Variants in HCK observed in about 807,000 individuals in gnomAD.
HCK encodes the protein HCK proto-oncogene, Src family tyrosine kinase.
A neutral mutation model predicts 70.4 loss-of-function variants in HCK; 40 were observed. The ratio of observed to expected loss-of-function variants is 0.57; its 90% CI spans 0.44 to 0.74. HCK has a LOEUF of 0.74. Among genes scored for constraint, HCK ranks in the 30% least tolerant of loss-of-function variants. The pLI is 0.00. For missense variants in HCK, 568 were observed against 697.2 expected (o/e 0.81, Z 2.09); for synonymous variants, 245 against 263.2 (o/e 0.93, Z 0.67).
chr20:32,101,048 A>G (rs2046026205), intron 12 of HCK, among the ~76,000 whole-genome samples: 2 of 152,314 alleles, frequency 1.3e-5, no homozygotes, highest in African/African-American at 4.8e-5. Flanking sequence ...TGCGTTCTCC[A>G]AAGACTCTCC....
At chr20:32,062,933 A>C (rs534936010) in intron 1 of HCK, among the ~76,000 whole-genome samples, 12 of 152,128 alleles carry the variant, frequency 7.9e-5, no homozygotes, top group Non-Finnish European at 1.5e-4. Flanking sequence ...AGTTCCTGTA[A>C]CTGAACAGCC....
At chr20:32,094,775 A>AAG (rs1442475155) in intron 11 of HCK, among the ~76,000 whole-genome samples, 85 of 117,226 alleles carry the variant, frequency 7.3e-4, no homozygotes, top group African/African-American at 2.8e-3. Flanking sequence ...GAAAGAAAGA[A>AAG]AGAGAGAGAA....
At chr20:32,099,350 C>CTTTTTTTTTTT (rs71336559) in intron 12 of HCK, among the ~76,000 whole-genome samples, 7 of 85,134 alleles carry the variant, frequency 8.2e-5, no homozygotes, top group African/African-American at 3.9e-4. Context: ...ACTCCTATGA[C>CTTTTTTTTTTT]TTTTTTTTTT....
At chr20:32,053,502 G>A (rs1466704658) in intron 1 of HCK, among the ~76,000 whole-genome samples, 2 of 151,878 alleles carry the variant, frequency 1.3e-5, no homozygotes, top group Non-Finnish European at 2.9e-5. Flanking sequence ...GCCGGGCGTA[G>A]TAGCACACAC....
rs938403820 is a variant in HCK at position 32,101,586 on chromosome 20, C to T, written c.*67C>T. The T allele has an allele frequency of 1.3e-5, 17 of 1,344,122 alleles. No individual in the cohort carries two copies. Among genetic ancestry groups the T allele is most frequent in the Admixed American group, 2.1e-5 (1 of 48,170 alleles). The allele number at this position is 1,344,122 out of a possible 1,614,324, so 83.3% of individuals were successfully genotyped here. ...GCTGCAAGGTGGCTCCAGCACCATC[C>T]GCCAGGGCCCACACCCCCTTCCTAC... On this transcript the variant is annotated 3_prime_UTR_variant, in exon 13 of 13. Coordinates refer to ENST00000375852, the MANE Select transcript of HCK (RefSeq NM_002110.5).
At chr20:32,094,765 G>A (rs1166630068) in intron 11 of HCK, among the ~76,000 whole-genome samples, 3 of 115,440 alleles carry the variant, frequency 2.6e-5, no homozygotes, top group African/African-American at 9.9e-5. Flanking sequence ...AAGAAAGAAG[G>A]AAAGAAAGAA....
intron 8 of HCK, among the ~76,000 whole-genome samples, chr20:32,085,119 G>A (rs936387470): frequency 1.3e-5 from 2 of 152,190 alleles, no homozygotes; most frequent in African/African-American, 4.8e-5. Flanking sequence ...AAATGGGAGC[G>A]TTCCAAATGG....
chr20:32,062,110 T>C (rs943866106), intron 1 of HCK, among the ~76,000 whole-genome samples: 2 of 152,008 alleles, frequency 1.3e-5, no homozygotes, highest in African/African-American at 4.8e-5. Flanking sequence ...CGCCTAATTT[T>C]TGTATTTTTA....
intron 10 of HCK, among the ~76,000 whole-genome samples, chr20:32,091,982 GA>G (rs113743904): frequency 6.6e-4 from 91 of 137,086 alleles, no homozygotes; most frequent in Admixed American, 1.9e-3. Context: ...TGTCTCAAAA[GA>G]AAAAAAAAAA....
chr20:32,092,018 G>GCC (rs2045870667), intron 10 of HCK, among the ~76,000 whole-genome samples: 1 of 151,820 alleles, frequency 6.6e-6, no homozygotes, highest in Non-Finnish European at 1.5e-5. Context: ...AAAAAGCAAA[G>GCC]CATGGGTCTC....
At chr20:32,076,545 T>C (rs1227322866) in intron 5 of HCK, among the ~76,000 whole-genome samples, 1 of 152,142 alleles carries the variant, frequency 6.6e-6, no homozygotes, top group African/African-American at 2.4e-5. Context: ...GGCAACATAA[T>C]TGCTAAGTGG....
chr20:32,083,916 A>C lies in HCK; in HGVS notation c.555A>C (p.Arg185=). 1.2e-6 allele frequency: 2 copies of C among 1,614,214 alleles called. No homozygotes were observed. The highest frequency in any genetic ancestry group is 2.2e-5 in the South Asian group (2 of 91,080). Residue 185 remains arginine, a synonymous_variant, in exon 7 of 13, where the codon CGA becomes CGC. Coordinates refer to ENST00000375852, the MANE Select transcript of HCK (RefSeq NM_002110.5). The stretch of plus-strand genomic sequence containing the variant: ...CAGGAAGCTACTCTTTGTCCGTGCG[A>C]GACTACGACCCTCGGCAGGGAGATA...
At chr20:32,054,867 G>A (rs900417620) in intron 1 of HCK, among the ~76,000 whole-genome samples, 1 of 152,204 alleles carries the variant, frequency 6.6e-6, no homozygotes, top group Admixed American at 6.5e-5. Flanking sequence ...TGACAATGGG[G>A]ATAGCAGAGG....
intron 1 of HCK, 83 bp downstream of exon 1, chr20:32,052,569 G>A: frequency 1.9e-6 from 2 of 1,030,460 alleles, no homozygotes; most frequent in Non-Finnish European, 2.5e-6. Context: ...GCCTGGGGAG[G>A]GCTGGCTACG....
chr20:32,087,215 C>T (rs781359812), intron 9 of HCK, among the ~76,000 whole-genome samples: 15 of 151,944 alleles, frequency 9.9e-5, no homozygotes, highest in Non-Finnish European at 1.3e-4. Context: ...AGCAGTTCTG[C>T]CCCCACCCCC....
intron 5 of HCK, among the ~76,000 whole-genome samples, chr20:32,076,708 A>G (rs1267321912): frequency 6.6e-6 from 1 of 152,090 alleles, no homozygotes; most frequent in African/African-American, 2.4e-5. Context: ...TCAGATTCCG[A>G]ATGTGCATTT....
At chr20:32,062,683 A>G (rs3787366) in intron 1 of HCK, among the ~76,000 whole-genome samples, 7 of 152,256 alleles carry the variant, frequency 4.6e-5, no homozygotes, top group South Asian at 2.1e-4. Context: ...TTTGAGCTCT[A>G]TGAGAAAGAA....
chr20:32,065,456 C>A lies in HCK; in HGVS notation c.63-6206C>A, dbSNP rs942364839. On this transcript the variant is annotated intron_variant, in intron 1 of 12. Transcript: ENST00000375852. Reference sequence around the variant, plus strand: ...TGAGGTGTATAGGCCTCAGGCATAGCTGGATCCAGGTGCTCAATTTATCTT... The same window carrying A: ...TGAGGTGTATAGGCCTCAGGCATAGATGGATCCAGGTGCTCAATTTATCTT... Among the ~76,000 whole-genome samples, 3 of 152,174 alleles carry A rather than the reference C, an allele frequency of 2.0e-5. No individual in the cohort carries two copies. The East Asian group carries it at 5.8e-4, about 29-fold the overall frequency.
Position 32,101,263 on chromosome 20 carries a change from C to G in HCK, c.1379-54C>G, listed in dbSNP as rs2046028905. ...GGGGAGGCCACAGGGCCTGCCACCC[C>G]TGGGCTCTCATTTCCCAACTGCTTC... On this transcript the variant is annotated intron_variant, in intron 12 of 12. Transcript: ENST00000375852. 4 of 1,553,574 alleles carry G rather than the reference C, an allele frequency of 2.6e-6. No individual in the cohort carries two copies. The South Asian group carries it at 4.6e-5, about 18-fold the overall frequency.
Sources: allele counts gnomAD v4.1 joint callset (sites outside exome capture counted in the v4.1 genomes callset), GRCh38; gene constraint gnomAD v4.1.1; transcripts MANE v1.5; gene names NCBI Gene and HGNC (gene_info 2026-07-23, HGNC 2026-07-21).